Variants in WDR43 observed in about 807,000 individuals in gnomAD.
The protein encoded by WDR43 is WD repeat domain 43, also known as WD repeat-containing protein 43.
A neutral mutation model predicts 91.4 loss-of-function variants in WDR43; 13 were observed. The observed-to-expected ratio is 0.14, with a 90% confidence interval of 0.09 to 0.23. The LOEUF is 0.23. WDR43 is among the 10% of genes least tolerant of loss of function. The probability of loss-of-function intolerance (pLI) is 1.00; values close to 1 mark genes in which losing one functional copy is unlikely to be tolerated. For missense variants in WDR43, 780 were observed against 809.4 expected (o/e 0.96, Z 0.44); for synonymous variants, 331 against 287.9 (o/e 1.15, Z -1.51).
rs1240114460 is a variant in WDR43, at chr2:28,947,860, A to G, written c.*1081A>G. 7.9e-6 allele frequency: 1 copy of G among 127,092 alleles called. No individual in the cohort carries two copies. Among genetic ancestry groups the G allele is most frequent in the African/African-American group, 2.9e-5 (1 of 34,452 alleles). 7.9% of individuals were successfully genotyped at this position (127,092 alleles called of 1,614,324 possible). On this transcript the variant is annotated 3_prime_UTR_variant, in exon 18 of 18. Transcript: ENST00000407426. ...ACAAAAGCCTTTGCAAATTATCAGT[A>G]GTAGTTTTTTTTTTTTTTTTTTTTT...
At chr2:28,924,322 C>G (rs1303632206) in intron 7 of WDR43, among the ~76,000 whole-genome samples, 1 of 152,192 alleles carries the variant, frequency 6.6e-6, no homozygotes, top group Non-Finnish European at 1.5e-5. Flanking sequence ...TGGCAGAGAT[C>G]ATTGGATGAC....
rs907791937 is a variant in WDR43, at chr2:28,901,967, T to C, written c.226-20T>C. ...GTATTTGCAATACTAAATAAAAACA[T>C]TGTTTTTCTTTTTTTCCAGGAAAGT... is the stretch of plus-strand genomic sequence containing the variant. On this transcript the variant is annotated intron_variant, in intron 1 of 17. Coordinates refer to ENST00000407426, the MANE Select transcript of WDR43 (RefSeq NM_015131.3). The C allele has an allele frequency of 7.6e-6, 12 of 1,579,764 alleles. No individual in the cohort carries two copies. Among genetic ancestry groups the C allele is most frequent in the Admixed American group, 6.2e-5 (3 of 48,602 alleles).
At chr2:28,920,215 T>C (rs1348359972) in intron 6 of WDR43, among the ~76,000 whole-genome samples, 1 of 121,360 alleles carries the variant, frequency 8.2e-6, no homozygotes, top group East Asian at 2.0e-4. Flanking sequence ...AAATAAATTT[T>C]TTTTCTTTCT....
chr2:28,935,022 C>T (rs1010030716), intron 11 of WDR43, among the ~76,000 whole-genome samples: 1 of 152,136 alleles, frequency 6.6e-6, no homozygotes, highest in Non-Finnish European at 1.5e-5. Flanking sequence ...GACTGGGTCT[C>T]CACCATAGAT....
intron 3 of WDR43, among the ~76,000 whole-genome samples, chr2:28,912,335 A>G (rs990223145): frequency 6.6e-6 from 1 of 152,080 alleles, no homozygotes; most frequent in African/African-American, 2.4e-5. Context: ...TCATTTTCTG[A>G]TACTTGTTGA....
intron 1 of WDR43, among the ~76,000 whole-genome samples, chr2:28,899,634 T>C (rs573384812): frequency 6.6e-6 from 1 of 152,352 alleles, no homozygotes; most frequent in South Asian, 2.1e-4. Flanking sequence ...AGGAATAACA[T>C]GTTTAGATAG....
intron 5 of WDR43, among the ~76,000 whole-genome samples, chr2:28,916,067 G>C (rs1313240178): frequency 6.6e-6 from 1 of 152,186 alleles, no homozygotes; most frequent in Non-Finnish European, 1.5e-5. Context: ...ATACCAGAGT[G>C]TACAAACTGA....
At chr2:28,916,213 C>T (rs1670907805) in intron 5 of WDR43, among the ~76,000 whole-genome samples, 1 of 152,142 alleles carries the variant, frequency 6.6e-6, no homozygotes, top group African/African-American at 2.4e-5. Flanking sequence ...TTGCTATGGA[C>T]ATTTTTTGTG....
At chr2:28,927,830 C>A in intron 10 of WDR43, 130 bp downstream of exon 10, 1 of 1,194,218 alleles carries the variant, frequency 8.4e-7, no homozygotes, top group Non-Finnish European at 1.2e-6. Context: ...GTTATGCTCT[C>A]TTTTATCTTC....
intron 3 of WDR43, among the ~76,000 whole-genome samples, chr2:28,909,646 A>G (rs1170111344): frequency 6.6e-6 from 1 of 152,074 alleles, no homozygotes. Flanking sequence ...GCTGAGGTGG[A>G]AGGATTGCTT....
chr2:28,924,024 G>A (rs1671083684), intron 7 of WDR43, among the ~76,000 whole-genome samples: 1 of 152,150 alleles, frequency 6.6e-6, no homozygotes, highest in South Asian at 2.1e-4. Context: ...GATGATAGGA[G>A]GAGTAAGTTG....
At chr2:28,935,364 C>A (rs550395805) in intron 11 of WDR43, among the ~76,000 whole-genome samples, 157 bp from the exon 12 acceptor site, 5 of 152,156 alleles carry the variant, frequency 3.3e-5, no homozygotes, top group Non-Finnish European at 7.3e-5. Context: ...ATACTCCATT[C>A]AGTCCCTCCA....
chr2:28,926,720 T>C (rs969257168), intron 9 of WDR43, among the ~76,000 whole-genome samples, 166 bp downstream of exon 9: 1 of 152,204 alleles, frequency 6.6e-6, no homozygotes, highest in African/African-American at 2.4e-5. Context: ...AAGATTGTAC[T>C]CCTGATTTGT....
chr2:28,922,064 T>G (rs972894120), intron 6 of WDR43, among the ~76,000 whole-genome samples: 2 of 152,252 alleles, frequency 1.3e-5, no homozygotes, highest in Admixed American at 1.3e-4. Context: ...AAATTTTCTT[T>G]AATAAAATCT....
intron 16 of WDR43, 31 bp downstream of exon 16, chr2:28,942,412 G>A (rs1193058367): frequency 1.9e-6 from 3 of 1,600,024 alleles, no homozygotes; most frequent in Non-Finnish European, 2.6e-6. Flanking sequence ...ATGGAGTCTA[G>A]AATTATAACA....
At position 28,924,969 on chromosome 2, in the gene WDR43, C is replaced by T; in HGVS notation, c.915-13C>T. The stretch of plus-strand genomic sequence containing the variant: ...TTCAAATTCTTTAATCTCATTTCCC[C>T]CTCCATTTCCAGGTACTGCAAAAAG... On this transcript the variant is annotated splice_polypyrimidine_tract_variant and intron_variant, in intron 7 of 17. Transcript: ENST00000407426. 7 of 1,602,392 alleles carry T rather than the reference C, an allele frequency of 4.4e-6. No individual in the cohort carries two copies. The highest frequency in any genetic ancestry group is 6.0e-6 in the Non-Finnish European group (7 of 1,174,974).
chr2:28,897,868 G>A (rs926583930), intron 1 of WDR43, among the ~76,000 whole-genome samples: 2 of 152,188 alleles, frequency 1.3e-5, no homozygotes, highest in African/African-American at 2.4e-5. Context: ...GTTTTTGTAC[G>A]TTATGTAGCT....
chr2:28,895,024 C>A, intron 1 of WDR43, 101 bp downstream of exon 1: 2 of 1,223,268 alleles, frequency 1.6e-6, no homozygotes, highest in Non-Finnish European at 2.1e-6. Context: ...TGGCTCTCAG[C>A]GGCCCGGGCC....
intron 6 of WDR43, among the ~76,000 whole-genome samples, chr2:28,921,118 CT>C (rs527420325): frequency 1.3e-4 from 19 of 147,166 alleles, no homozygotes; most frequent in Middle Eastern, 6.9e-3. Flanking sequence ...GGGAGCAGAA[CT>C]TTTTAAAAAA....
Sources: gnomAD v4.1 joint callset for allele counts (sites outside exome capture counted in the v4.1 genomes callset) on GRCh38, gnomAD v4.1.1 for gene constraint, MANE v1.5 for transcripts, NCBI Gene and HGNC (gene_info 2026-07-23, HGNC 2026-07-21) for gene names.